CPED1: variants seen among roughly 807,000 people sequenced by gnomAD.
The protein encoded by CPED1 is cadherin like and PC-esterase domain containing 1.
A neutral mutation model predicts 128.2 loss-of-function variants in CPED1; 114 were observed. That is an observed-to-expected ratio of 0.89 (90% CI 0.76 to 1.04). The LOEUF (loss-of-function observed/expected upper bound fraction) is 1.04. Among genes scored for constraint, CPED1 ranks in the 50% least tolerant of loss-of-function variants. CPED1 has a pLI of 0.00. For missense variants in CPED1, 1,211 were observed against 1,207.1 expected, an observed-to-expected ratio of 1.00 and a Z score of -0.05; for synonymous variants, 462 against 426.7, an observed-to-expected ratio of 1.08 and a Z score of -1.02.
chr7:121,237,782 G>A (rs1364903324), intron 17 of CPED1, among the ~76,000 whole-genome samples: 1 of 152,102 alleles, frequency 6.6e-6, no homozygotes, highest in Non-Finnish European at 1.5e-5. Flanking sequence ...AATGGGAAAT[G>A]AGTTCCCCAA....
chr7:121,272,420 G>A (rs557361942), intron 22 of CPED1, among the ~76,000 whole-genome samples: 1 of 151,854 alleles, frequency 6.6e-6, no homozygotes, highest in African/African-American at 2.4e-5. Context: ...TTGCCTTGGA[G>A]AGCCCCCTCC....
At chr7:121,164,342 T>A (rs1054121548) in intron 16 of CPED1, among the ~76,000 whole-genome samples, 4 of 152,228 alleles carry the variant, frequency 2.6e-5, no homozygotes, top group African/African-American at 9.6e-5. Flanking sequence ...ATGAGCAATG[T>A]AGCAACTGAG....
intron 3 of CPED1, among the ~76,000 whole-genome samples, chr7:121,038,816 G>C (rs1792970083): frequency 2.0e-5 from 3 of 151,916 alleles, no homozygotes; most frequent in Admixed American, 2.0e-4. Context: ...CCCTCAGTGG[G>C]AATTTGCCTG....
intron 3 of CPED1, among the ~76,000 whole-genome samples, chr7:121,036,507 A>ATATATAT (rs1449540146): frequency 4.5e-5 from 6 of 133,922 alleles, no homozygotes; most frequent in South Asian, 2.3e-4. Flanking sequence ...ATATATATAT[A>ATATATAT]TTTTTTTTTT....
intron 18 of CPED1, among the ~76,000 whole-genome samples, chr7:121,265,445 G>A (rs768384259): frequency 2.6e-5 from 4 of 152,088 alleles, no homozygotes; most frequent in Non-Finnish European, 5.9e-5. Flanking sequence ...AATAAAAACA[G>A]TATATGTGAG....
At chr7:121,273,538 A>AT (rs397719810) in intron 22 of CPED1, among the ~76,000 whole-genome samples, 3 of 151,980 alleles carry the variant, frequency 2.0e-5, no homozygotes, top group Non-Finnish European at 4.4e-5. Context: ...AAAAAAAAAA[A>AT]TCCATCTTGG....
chr7:121,068,247 G>A (rs1314796710), intron 5 of CPED1, among the ~76,000 whole-genome samples: 1 of 152,124 alleles, frequency 6.6e-6, no homozygotes, highest in Non-Finnish European at 1.5e-5. Flanking sequence ...TATGGTTTTA[G>A]GTCTAACATT....
intron 11 of CPED1, among the ~76,000 whole-genome samples, chr7:121,129,287 GTATATATATATATATATATATATACGTA>G (rs1160754843): frequency 0.022 from 1,161 of 52,002 alleles, 31 homozygotes; most frequent in African/African-American, 0.058. Context: ...GTGTATATAT[GTATATATATATATATATATATATACGTA>G]TATATATATA....
At chr7:121,164,801 T>C (rs1020306772) in intron 16 of CPED1, among the ~76,000 whole-genome samples, 6 of 152,222 alleles carry the variant, frequency 3.9e-5, no homozygotes, top group African/African-American at 1.4e-4. Flanking sequence ...TACCCTGTCT[T>C]TGTGTGTGAA....
intron 7 of CPED1, among the ~76,000 whole-genome samples, chr7:121,103,181 T>C (rs1794895785): frequency 6.6e-6 from 1 of 152,142 alleles, no homozygotes; most frequent in Non-Finnish European, 1.5e-5. Context: ...ATTCATATTT[T>C]TGTCTTTTCT....
intron 3 of CPED1, among the ~76,000 whole-genome samples, chr7:121,035,477 C>T (rs1792859546): frequency 6.6e-6 from 1 of 151,970 alleles, no homozygotes; most frequent in Admixed American, 6.6e-5. Flanking sequence ...GATGTGAGTA[C>T]CAGTTGAAGA....
At position 121,236,816 on chromosome 7, in the gene CPED1, T is replaced by C. The variant is rs1219993947; in HGVS notation, c.2158T>C (p.Ser720Pro). The stretch of plus-strand genomic sequence containing the variant: ...ACAGTCTGAACTAAAAAGATGTCCA[T>C]CTGGGGACATGAAAGGTGACTATCA... ...ILQSELKRCP[S>P]GDMKGQWIVP... Residue 720 changes from serine (S) to proline (P), a missense_variant, in exon 17 of 23, where the codon TCT (serine) becomes CCT (proline). Physicochemically the swap from Ser to Pro is moderately conservative, Grantham distance 74 (BLOSUM62 -1). Transcript: ENST00000310396. 6.3e-7 allele frequency: 1 copy of C among 1,579,204 alleles called. No individual in the cohort carries two copies. The highest frequency in any genetic ancestry group is 8.7e-7 in the Non-Finnish European group (1 of 1,154,450).
intron 16 of CPED1, among the ~76,000 whole-genome samples, chr7:121,189,088 C>T (rs1320684087): frequency 6.6e-6 from 1 of 152,106 alleles, no homozygotes; most frequent in African/African-American, 2.4e-5. Flanking sequence ...TTTCTGGGTC[C>T]TTCAGACATA....
intron 16 of CPED1, among the ~76,000 whole-genome samples, chr7:121,173,198 C>T (rs963263502): frequency 5.9e-5 from 9 of 152,198 alleles, no homozygotes; most frequent in African/African-American, 2.2e-4. Flanking sequence ...CATCTCCATA[C>T]TCATTTACTT....
At chr7:121,077,628 AGAAAG>A (rs1432316067) in intron 5 of CPED1, among the ~76,000 whole-genome samples, 1 of 151,592 alleles carries the variant, frequency 6.6e-6, no homozygotes, top group African/African-American at 2.4e-5. Flanking sequence ...TAAAAATAAT[AGAAAG>A]GAAAGTAGGC....
intron 9 of CPED1, among the ~76,000 whole-genome samples, chr7:121,126,347 T>C (rs549686931): frequency 6.6e-6 from 1 of 152,140 alleles, no homozygotes; most frequent in Non-Finnish European, 1.5e-5. Context: ...GATATAGATA[T>C]GTGTAGAGTG....
chr7:121,295,026 G>A (rs1369473365), intron 22 of CPED1, among the ~76,000 whole-genome samples: 4 of 151,918 alleles, frequency 2.6e-5, no homozygotes, highest in Non-Finnish European at 5.9e-5. Context: ...TTATAGAAGA[G>A]TGCCATGACA....
chr7:121,072,449 T>C (rs1166954494), intron 5 of CPED1, among the ~76,000 whole-genome samples: 1 of 129,440 alleles, frequency 7.7e-6, no homozygotes, highest in East Asian at 2.3e-4. Context: ...CTAGGATAAA[T>C]TTCCATGCAT....
intron 16 of CPED1, among the ~76,000 whole-genome samples, chr7:121,220,560 T>C (rs1797852589): frequency 6.6e-6 from 1 of 152,012 alleles, no homozygotes; most frequent in Admixed American, 6.6e-5. Flanking sequence ...AACCACATAA[T>C]TTATGGTAAT....
Sources: gnomAD v4.1 joint callset for allele counts (sites outside exome capture counted in the v4.1 genomes callset) on GRCh38, gnomAD v4.1.1 for gene constraint, MANE v1.5 for transcripts, NCBI Gene and HGNC (gene_info 2026-07-23, HGNC 2026-07-21) for gene names.